The following NRG3 variants were observed in gnomAD, a reference collection of about 807,000 sequenced individuals.
The protein encoded by NRG3 is neuregulin 3.
A neutral mutation model predicts 66.9 loss-of-function variants in NRG3; 31 were observed. The ratio of observed to expected loss-of-function variants is 0.46; its 90% CI spans 0.35 to 0.63. The LOEUF is 0.63. NRG3 is among the 20% of genes least tolerant of loss of function. NRG3 has a pLI of 0.00. For synonymous variants in NRG3, 393 were observed against 359.4 expected (o/e 1.09, Z -1.06); for missense variants, 910 against 878.9 (o/e 1.04, Z -0.45).
intron 1 of NRG3, among the ~76,000 whole-genome samples, chr10:81,967,577 C>T (rs1160068331): frequency 6.6e-5 from 10 of 151,842 alleles, no homozygotes; most frequent in East Asian, 3.9e-4. Context: ...TTTATTTATG[C>T]GTGCTTATAT....
intron 4 of NRG3, among the ~76,000 whole-genome samples, chr10:82,947,178 G>T (rs1458377565): frequency 6.6e-6 from 1 of 152,054 alleles, no homozygotes; most frequent in African/African-American, 2.4e-5. Flanking sequence ...CCATTGTCTA[G>T]AATTTTGAAT....
At chr10:82,076,436 A>G (rs2065095071) in intron 1 of NRG3, among the ~76,000 whole-genome samples, 1 of 152,240 alleles carries the variant, frequency 6.6e-6, no homozygotes, top group Non-Finnish European at 1.5e-5. Flanking sequence ...AGCAACAGAA[A>G]GAGCATTTGT....
chr10:82,934,931 T>C (rs1310596110), intron 4 of NRG3, among the ~76,000 whole-genome samples: 1 of 152,182 alleles, frequency 6.6e-6, no homozygotes, highest in Non-Finnish European at 1.5e-5. Flanking sequence ...ATATTTTTTT[T>C]ATGGATACTT....
chr10:82,237,601 A>G (rs1174478797), intron 1 of NRG3, among the ~76,000 whole-genome samples: 3 of 151,986 alleles, frequency 2.0e-5, no homozygotes, highest in Non-Finnish European at 4.4e-5. Flanking sequence ...AGTGCTTAAT[A>G]TATTATTCTT....
intron 2 of NRG3, among the ~76,000 whole-genome samples, chr10:82,709,840 G>T (rs1000222127): frequency 5.9e-5 from 9 of 152,114 alleles, no homozygotes; most frequent in Non-Finnish European, 5.9e-5. Flanking sequence ...TTAAATCCAT[G>T]GTAACAAAAT....
chr10:82,182,454 G>A (rs2073493634), intron 1 of NRG3, among the ~76,000 whole-genome samples: 1 of 151,328 alleles, frequency 6.6e-6, no homozygotes, highest in Non-Finnish European at 1.5e-5. Context: ...TCATATTATA[G>A]CTTTAATAGT....
At chr10:82,432,005 C>T (rs548401618) in intron 2 of NRG3, among the ~76,000 whole-genome samples, 25 of 152,196 alleles carry the variant, frequency 1.6e-4, no homozygotes, top group Admixed American at 1.5e-3. Context: ...ACCAGATATT[C>T]AGGTTTATAG....
At position 81,966,403 on chromosome 10, in the gene NRG3, G is replaced by A. The variant is rs187376288; in HGVS notation, c.823+90240G>A. 2.9e-3 allele frequency among the ~76,000 whole-genome samples: 443 copies of A among 151,580 alleles called. 1 individual carries two copies. The highest frequency in any genetic ancestry group is 5.0e-3 in the Non-Finnish European group (337 of 67,848). On this transcript the variant is annotated intron_variant, in intron 1 of 8. Transcript: ENST00000372141. ...TTCACTGCCTTATCCTCTTGTTTCT[G>A]GTTTTAGTATCAGGGTTAACTGGCT...
At chr10:82,215,780 C>G (rs2075634000) in intron 1 of NRG3, among the ~76,000 whole-genome samples, 1 of 151,802 alleles carries the variant, frequency 6.6e-6, no homozygotes, top group South Asian at 2.1e-4. Context: ...ATGGGCTTCA[C>G]TTTTTGACAT....
At chr10:82,153,408 C>A (rs1438681462) in intron 1 of NRG3, among the ~76,000 whole-genome samples, 1 of 97,342 alleles carries the variant, frequency 1.0e-5, no homozygotes, top group Non-Finnish European at 2.0e-5. Flanking sequence ...ATATAGTATT[C>A]CATTGTGTGT....
chr10:82,585,554 A>T (rs1418242670), intron 2 of NRG3, among the ~76,000 whole-genome samples: 1 of 152,112 alleles, frequency 6.6e-6, no homozygotes, highest in Non-Finnish European at 1.5e-5. Flanking sequence ...CCGGCTACAC[A>T]GTAGTTACCT....
rs2067255184 is a variant in NRG3, at chr10:82,109,538, T to TGTGC, written c.823+233378_823+233379insCGTG. Reference sequence around the variant, plus strand: ...GAAACAAAGCTAAAGAATAAGATTGTGTGTGTGTGTGTGTGTGTGTGTGTG... The same window carrying TGTGC: ...GAAACAAAGCTAAAGAATAAGATTGTGTGCGTGTGTGTGTGTGTGTGTGTGTGTG... On this transcript the variant is annotated intron_variant, in intron 1 of 8. Transcript: ENST00000372141. Among the ~76,000 whole-genome samples, 3 of 50,560 alleles carry TGTGC rather than the reference T, an allele frequency of 5.9e-5. No individual in the cohort carries two copies. In the South Asian group the frequency reaches 2.0e-3, roughly 35 times the overall value. 33.2% of individuals were successfully genotyped at this position (50,560 alleles called of 152,430 possible). A position where few individuals can be genotyped will look rare whatever the true frequency, so the allele number is the denominator to read the frequency against.
At chr10:82,515,121 G>C (rs1027671968) in intron 2 of NRG3, among the ~76,000 whole-genome samples, 3 of 151,946 alleles carry the variant, frequency 2.0e-5, no homozygotes, top group Non-Finnish European at 4.4e-5. Context: ...GAGATTTAGT[G>C]GTATCTCAAT....
chr10:81,913,721 G>C (rs370580531), intron 1 of NRG3, among the ~76,000 whole-genome samples: 8 of 152,150 alleles, frequency 5.3e-5, no homozygotes, highest in Non-Finnish European at 7.3e-5. Context: ...ACCGCTCCCA[G>C]CCAGCACTTT....
At chr10:82,974,717 C>T (rs529716553) in intron 7 of NRG3, among the ~76,000 whole-genome samples, 1 of 152,196 alleles carries the variant, frequency 6.6e-6, no homozygotes, top group Admixed American at 6.5e-5. Flanking sequence ...AACATTTTAA[C>T]AATGAAAAAG....
At chr10:81,889,061 G>T (rs1396192722) in intron 1 of NRG3, 3 of 152,070 alleles carry the variant, frequency 2.0e-5, no homozygotes, top group Non-Finnish European at 4.4e-5. Context: ...CATCAACAAA[G>T]CCCTAGATTT....
intron 1 of NRG3, among the ~76,000 whole-genome samples, chr10:82,279,568 G>T (rs961929655): frequency 2.0e-5 from 3 of 152,150 alleles, no homozygotes; most frequent in East Asian, 1.9e-4. Flanking sequence ...TCTTTATAAA[G>T]AATTTAAAAA....
chr10:82,519,750 A>G (rs1165106667), intron 2 of NRG3, among the ~76,000 whole-genome samples: 2 of 152,200 alleles, frequency 1.3e-5, no homozygotes, highest in East Asian at 1.9e-4. Context: ...ATTCTTGGGC[A>G]TGCTGGAGTG....
At position 82,193,411 on chromosome 10, in the gene NRG3, G is replaced by A. The variant is rs148587831; in HGVS notation, c.824-165328G>A. Among the ~76,000 whole-genome samples, 1,024 of 152,254 alleles carry A rather than the reference G, an allele frequency of 6.7e-3. 30 individuals carry two copies. Among genetic ancestry groups the A allele is most frequent in the Admixed American group, 0.017 (256 of 15,300 alleles). ...CCCTGCCTCGACCTCCCAAAGTGCT[G>A]GGATTACAGAAGTGAGCTACAATGC... On this transcript the variant is annotated intron_variant, in intron 1 of 8. Transcript: ENST00000372141.
Sources: gnomAD v4.1 joint callset for allele counts (sites outside exome capture counted in the v4.1 genomes callset) on GRCh38, gnomAD v4.1.1 for gene constraint, MANE v1.5 for transcripts, NCBI Gene and HGNC (gene_info 2026-07-23, HGNC 2026-07-21) for gene names.